KATNBL1: variants seen among roughly 807,000 people sequenced by gnomAD.
KATNBL1 encodes the protein katanin regulatory subunit B1 like 1.
KATNBL1 carries 28 observed loss-of-function variants against 44.7 expected under a neutral mutation model. That is an observed-to-expected ratio of 0.63 (90% CI 0.46 to 0.86). The LOEUF is 0.86. Among genes scored for constraint, KATNBL1 ranks in the 40% least tolerant of loss-of-function variants. The probability of loss-of-function intolerance (pLI) is 0.00; values close to 1 mark genes in which losing one functional copy is unlikely to be tolerated. For synonymous variants in KATNBL1, 78 were observed against 114.9 expected, an observed-to-expected ratio of 0.68 and a Z score of 2.06; for missense variants, 272 against 350.7, an observed-to-expected ratio of 0.78 and a Z score of 1.79.
intron 1 of KATNBL1, among the ~76,000 whole-genome samples, chr15:34,193,233 A>AG (rs1447812867): frequency 7.4e-6 from 1 of 135,468 alleles, no homozygotes; most frequent in African/African-American, 2.9e-5. Context: ...AAAAAAAAAA[A>AG]AACAAAAAAA....
chr15:34,206,849 G>A (rs982816590), intron 1 of KATNBL1, among the ~76,000 whole-genome samples: 1 of 151,576 alleles, frequency 6.6e-6, no homozygotes, highest in African/African-American at 2.4e-5. Context: ...AAAAGTGTAT[G>A]CTCCCAGTAA....
intron 1 of KATNBL1, among the ~76,000 whole-genome samples, chr15:34,203,707 G>A (rs892777452): frequency 1.3e-5 from 2 of 151,726 alleles, no homozygotes; most frequent in African/African-American, 4.8e-5. Context: ...TTCTTTTTTT[G>A]AGATGGAGTC....
chr15:34,163,747 AACAC>A, intron 1 of KATNBL1, 57 bp from the exon 2 acceptor site: 1 of 958,022 alleles, frequency 1.0e-6, no homozygotes, highest in Non-Finnish European at 1.6e-6. Flanking sequence ...GATCATTTTT[AACAC>A]ACACACAAAC....
chr15:34,164,681 T>C (rs1345943507), intron 1 of KATNBL1, among the ~76,000 whole-genome samples: 1 of 152,270 alleles, frequency 6.6e-6, no homozygotes, highest in Admixed American at 6.5e-5. Context: ...AAATTTATTT[T>C]AGGTCATGCC....
At chr15:34,167,926 C>T (rs1889032759) in intron 1 of KATNBL1, among the ~76,000 whole-genome samples, 1 of 152,206 alleles carries the variant, frequency 6.6e-6, no homozygotes, top group Non-Finnish European at 1.5e-5. Flanking sequence ...CTTACAAGAG[C>T]TCCTGAAGGA....
rs745896586 is a variant in KATNBL1, at chr15:34,147,278, T to C, written c.620A>G (p.Glu207Gly). 3 of 1,612,498 alleles carry C rather than the reference T, an allele frequency of 1.9e-6. No individual in the cohort carries two copies. The highest frequency in any genetic ancestry group is 2.5e-6 in the Non-Finnish European group (3 of 1,178,708). The change falls in exon 7 of 10, where the codon GAA becomes GGA. Residue 207 changes from glutamate to glycine, a missense_variant. Physicochemically the swap from Glu to Gly is moderately conservative, Grantham distance 98 (BLOSUM62 -2). Around this residue, in one of 3 missense-constraint regions of KATNBL1, gnomAD observed 111 missense variants for 149.3 expected, o/e 0.74. Transcript: ENST00000256544. ...GCAGCCAAGTGAGATATATTGTTTTTCTTCCTGTAAACTAAAATAAATACC... is the reference window on the plus strand; with the variant it reads ...GCAGCCAAGTGAGATATATTGTTTTCCTTCCTGTAAACTAAAATAAATACC... Reference protein sequence around the residue: ...LPVLTNCLQEEKQYISLGCCV... With the variant: ...LPVLTNCLQEGKQYISLGCCV...
chr15:34,209,529 C>T (rs1890376536), intron 1 of KATNBL1: 1 of 152,194 alleles, frequency 6.6e-6, no homozygotes. Context: ...GTCAGGAATC[C>T]GAGGACCCGT....
At chr15:34,190,166 G>A (rs748859527) in intron 1 of KATNBL1, among the ~76,000 whole-genome samples, 40 of 152,132 alleles carry the variant, frequency 2.6e-4, no homozygotes, top group South Asian at 6.2e-4. Flanking sequence ...GGATGGTCTC[G>A]ATCTCCTGAC....
At chr15:34,156,742 A>C (rs1888650568) in intron 2 of KATNBL1, among the ~76,000 whole-genome samples, 1 of 152,176 alleles carries the variant, frequency 6.6e-6, no homozygotes, top group Non-Finnish European at 1.5e-5. Context: ...AACTGGCTTA[A>C]AGAAGGAAAT....
intron 1 of KATNBL1, among the ~76,000 whole-genome samples, chr15:34,186,447 A>T (rs545973379): frequency 6.6e-6 from 1 of 152,358 alleles, no homozygotes; most frequent in East Asian, 1.9e-4. Context: ...GGAGCCAGGA[A>T]CAGGCAGGAT....
chr15:34,157,112 T>G (rs1005930455), intron 2 of KATNBL1, among the ~76,000 whole-genome samples: 1 of 152,088 alleles, frequency 6.6e-6, no homozygotes, highest in African/African-American at 2.4e-5. Context: ...TTGGCACATC[T>G]CCACAGGGCA....
intron 2 of KATNBL1, among the ~76,000 whole-genome samples, chr15:34,159,249 T>C (rs1349344544): frequency 6.6e-6 from 1 of 152,232 alleles, no homozygotes; most frequent in African/African-American, 2.4e-5. Flanking sequence ...AAAAAGGCTA[T>C]GGGCTGCCGG....
At chr15:34,170,881 T>A (rs1889138012) in intron 1 of KATNBL1, among the ~76,000 whole-genome samples, 1 of 152,182 alleles carries the variant, frequency 6.6e-6, no homozygotes, top group African/African-American at 2.4e-5. Flanking sequence ...TGGCTAGCCA[T>A]ATGTAGAAAG....
intron 2 of KATNBL1, among the ~76,000 whole-genome samples, chr15:34,157,705 T>C (rs1009640516): frequency 2.0e-5 from 3 of 152,194 alleles, no homozygotes; most frequent in African/African-American, 7.2e-5. Flanking sequence ...ATCTAGTCCA[T>C]GGCAACCGAG....
chr15:34,195,276 T>C (rs1190471134), intron 1 of KATNBL1, among the ~76,000 whole-genome samples: 1 of 152,176 alleles, frequency 6.6e-6, no homozygotes, highest in African/African-American at 2.4e-5. Flanking sequence ...TAAAAAAGAA[T>C]GAAATAATGT....
intron 1 of KATNBL1, among the ~76,000 whole-genome samples, chr15:34,205,785 A>G (rs1271241165): frequency 6.6e-6 from 1 of 152,204 alleles, no homozygotes; most frequent in Non-Finnish European, 1.5e-5. Flanking sequence ...CAGACTAATT[A>G]CTATTCTACG....
intron 1 of KATNBL1, among the ~76,000 whole-genome samples, chr15:34,186,817 G>A (rs772676030): frequency 8.5e-5 from 13 of 152,234 alleles, no homozygotes; most frequent in Non-Finnish European, 1.6e-4. Context: ...CAAGAGTCCT[G>A]GATGGAAGGG....
chr15:34,166,456 C>T (rs930333338), intron 1 of KATNBL1, among the ~76,000 whole-genome samples: 3 of 152,252 alleles, frequency 2.0e-5, no homozygotes, highest in African/African-American at 4.8e-5. Context: ...TGGGCAGAGC[C>T]CACTGCAGCT....
At chr15:34,202,952 T>C (rs750923373) in intron 1 of KATNBL1, among the ~76,000 whole-genome samples, 3 of 151,930 alleles carry the variant, frequency 2.0e-5, no homozygotes, top group Non-Finnish European at 2.9e-5. Flanking sequence ...GATCACGCCA[T>C]TGCACTCCAG....
Sources: gnomAD v4.1 joint callset for allele counts (sites outside exome capture counted in the v4.1 genomes callset) on GRCh38, gnomAD v4.1.1 for gene constraint, gnomAD v4.1.1 regional missense constraint, MANE v1.5 for transcripts, NCBI Gene and HGNC (gene_info 2026-07-23, HGNC 2026-07-21) for gene names.